KDM4C: variants seen among roughly 807,000 people sequenced by gnomAD.
KDM4C encodes the protein lysine demethylase 4C.
Under a neutral mutation model 129.3 loss-of-function variants are expected in KDM4C, and 81 were observed. The ratio of observed to expected loss-of-function variants is 0.63; its 90% CI spans 0.52 to 0.75. The LOEUF is 0.75. KDM4C is among the 30% of genes least tolerant of loss of function. KDM4C has a pLI of 0.00. For synonymous variants in KDM4C, 573 were observed against 456.1 expected (o/e 1.26, Z -3.26); for missense variants, 1,457 against 1,304.0 (o/e 1.12, Z -1.81).
chr9:7,158,530 C>G (rs1360483963), intron 19 of KDM4C, among the ~76,000 whole-genome samples: 1 of 152,090 alleles, frequency 6.6e-6, no homozygotes, highest in Non-Finnish European at 1.5e-5. Flanking sequence ...CCCAGAGATT[C>G]TGGTATGTTG....
chr9:6,895,015 T>A (rs549481068), intron 8 of KDM4C, among the ~76,000 whole-genome samples: 1 of 152,234 alleles, frequency 6.6e-6, no homozygotes, highest in Non-Finnish European at 1.5e-5. Flanking sequence ...TACAAAATAT[T>A]CAGTGCTACA....
chr9:6,981,256 A>G (rs1816721660), intron 9 of KDM4C, 138 bp downstream of exon 9: 1 of 637,154 alleles, frequency 1.6e-6, no homozygotes, highest in East Asian at 2.8e-5. Context: ...GTGAGACATT[A>G]TTTTTAATTC....
Position 6,805,657 on chromosome 9 carries a change from T to G in KDM4C, c.203T>G (p.Leu68Arg), listed in dbSNP as rs200505691. ...RQCYDDIDNL[L>R]IPAPIQQMVT... is the part of the protein sequence containing the mutation. ...TGCTATGATGACATTGATAATTTGC[T>G]CATTCCAGCACCAATTCAGCAGATG... The change falls in exon 3 of 22, where the codon CTC becomes CGC. Residue 68 changes from leucine to arginine, a missense_variant. By Grantham distance (102) the Leu-to-Arg change is moderately radical. Transcript: ENST00000381309. 6.2e-7 allele frequency: 1 copy of G among 1,614,068 alleles called. No individual in the cohort carries two copies. Among genetic ancestry groups the G allele is most frequent in the East Asian group, 2.2e-5 (1 of 44,882 alleles).
At chr9:7,074,041 A>C (rs1310390388) in intron 17 of KDM4C, among the ~76,000 whole-genome samples, 1 of 152,246 alleles carries the variant, frequency 6.6e-6, no homozygotes, top group Admixed American at 6.5e-5. Flanking sequence ...TTGCTATCTA[A>C]AGAACAGCAA....
At chr9:6,848,666 C>G (rs889929012) in intron 4 of KDM4C, among the ~76,000 whole-genome samples, 2 of 149,852 alleles carry the variant, frequency 1.3e-5, no homozygotes, top group Non-Finnish European at 3.0e-5. Context: ...GAGACTGTCT[C>G]AGGGGAAAAA....
intron 6 of KDM4C, among the ~76,000 whole-genome samples, chr9:6,883,345 G>C (rs1219470388): frequency 1.3e-5 from 2 of 152,132 alleles, no homozygotes; most frequent in African/African-American, 4.8e-5. Context: ...AAATGCAAAA[G>C]ACCAGTGATA....
intron 8 of KDM4C, chr9:6,978,862 C>A (rs931579567): frequency 6.6e-6 from 1 of 152,196 alleles, no homozygotes; most frequent in Non-Finnish European, 1.5e-5. Context: ...GCACACTCCT[C>A]TTTGACCATG....
intron 15 of KDM4C, among the ~76,000 whole-genome samples, chr9:7,034,659 A>G (rs539410956): frequency 2.0e-5 from 3 of 152,308 alleles, no homozygotes; most frequent in South Asian, 4.1e-4. Context: ...TGTCTCTTTG[A>G]TATAATGATT....
intron 19 of KDM4C, among the ~76,000 whole-genome samples, chr9:7,133,505 G>A (rs1010047681): frequency 2.0e-5 from 3 of 152,222 alleles, no homozygotes; most frequent in African/African-American, 7.2e-5. Context: ...CTGCTCCAGA[G>A]TAAGTTCACA....
At chr9:6,921,052 A>G (rs936439017) in intron 8 of KDM4C, among the ~76,000 whole-genome samples, 4 of 151,558 alleles carry the variant, frequency 2.6e-5, no homozygotes, top group African/African-American at 9.7e-5. Flanking sequence ...GAGATGGTAC[A>G]CATTTCTTGT....
chr9:6,795,792 C>G (rs1404956022), intron 2 of KDM4C, among the ~76,000 whole-genome samples: 2 of 151,884 alleles, frequency 1.3e-5, no homozygotes, highest in African/African-American at 4.8e-5. Context: ...CTCCCTCAGC[C>G]CCGCAATTAG....
At chr9:6,798,965 T>C in intron 2 of KDM4C, among the ~76,000 whole-genome samples, 1 of 136,336 alleles carries the variant, frequency 7.3e-6, no homozygotes, top group Non-Finnish European at 1.6e-5. Context: ...TCCCAGACGA[T>C]GGGTGGCCGG....
intron 18 of KDM4C, among the ~76,000 whole-genome samples, chr9:7,113,653 T>G (rs1838583814): frequency 6.6e-6 from 1 of 152,206 alleles, no homozygotes; most frequent in African/African-American, 2.4e-5. Context: ...CAAGAGAGTT[T>G]AACGTGATCT....
chr9:7,077,034 C>G (rs1472242038), intron 17 of KDM4C: 2 of 985,350 alleles, frequency 2.0e-6, no homozygotes, highest in African/African-American at 1.7e-5. Context: ...TGCTGCACAA[C>G]AAAGCAACTG....
intron 1 of KDM4C, among the ~76,000 whole-genome samples, chr9:6,772,424 C>T (rs1238439978): frequency 3.3e-5 from 5 of 152,098 alleles, no homozygotes; most frequent in Admixed American, 6.6e-5. Flanking sequence ...TGCAATGGCA[C>T]GATCTTGGCT....
chr9:6,832,353 G>A (rs1021492516), intron 4 of KDM4C, among the ~76,000 whole-genome samples: 18 of 150,142 alleles, frequency 1.2e-4, no homozygotes, highest in African/African-American at 4.4e-4. Flanking sequence ...AAAAAAAAAA[G>A]TTGAATTTGT....
chr9:7,078,988 G>T (rs894366909), intron 17 of KDM4C, among the ~76,000 whole-genome samples: 1 of 152,184 alleles, frequency 6.6e-6, no homozygotes, highest in Non-Finnish European at 1.5e-5. Context: ...GGCACCCTCT[G>T]CCTAGCATGT....
chr9:7,174,250 A>ACCTCATTGGGCAAGAGC lies in KDM4C; in HGVS notation c.2995-302_2995-301insCTCATTGGGCAAGAGCC, dbSNP rs58627414. On this transcript the variant is annotated intron_variant, in intron 21 of 21. Transcript: ENST00000381309. ...AGATGACTGTTGACATTTGTCAAAA[A>ACCTCATTGGGCAAGAGC]CAGAGGGGAGATGAAAAATGAGGGA... Among the ~76,000 whole-genome samples the ACCTCATTGGGCAAGAGC allele has an allele frequency of 9.1e-4, 136 of 148,778 alleles. 1 individual carries two copies. Among genetic ancestry groups the ACCTCATTGGGCAAGAGC allele is most frequent in the African/African-American group, 3.3e-3 (132 of 39,712 alleles).
At position 6,824,171 on chromosome 9, in the gene KDM4C, C is replaced by T. The variant is rs550639539; in HGVS notation, c.435+9426C>T. Among the ~76,000 whole-genome samples, 13 of 152,252 alleles carry T rather than the reference C, an allele frequency of 8.5e-5. No individual in the cohort carries two copies. The East Asian group carries it at 2.5e-3, about 29-fold the overall frequency. ...GTAGCAAATAGTTGGAAAATGATAA[C>T]AGAGGATGAAGGTTACTTGTATTTG... is the stretch of plus-strand genomic sequence containing the variant. On this transcript the variant is annotated intron_variant, in intron 4 of 21. Transcript: ENST00000381309.
Sources: allele counts gnomAD v4.1 joint callset (sites outside exome capture counted in the v4.1 genomes callset), GRCh38; gene constraint gnomAD v4.1.1; transcripts MANE v1.5; gene names NCBI Gene and HGNC (gene_info 2026-07-23, HGNC 2026-07-21).